Variants in SLC25A43 observed in about 807,000 individuals in gnomAD.
SLC25A43 encodes the protein solute carrier family 25 member 43, also known as solute carrier family 25, member 43.
In SLC25A43, 10 loss-of-function variants were observed where a neutral mutation model predicts 22.8. The observed-to-expected ratio is 0.44, with a 90% confidence interval of 0.27 to 0.74. The LOEUF (loss-of-function observed/expected upper bound fraction) is 0.74, where lower values mean the gene tolerates loss of function less well. Ranked by LOEUF, SLC25A43 falls within the 30% of genes least tolerant of loss-of-function variation. The pLI is 0.17. For missense variants in SLC25A43, 233 were observed against 279.1 expected (o/e 0.83, Z 1.18); for synonymous variants, 106 against 121.6 (o/e 0.87, Z 0.84).
Position 119,413,188 on chromosome X carries a change from C to G in SLC25A43, c.690+2826C>G, listed in dbSNP as rs191745936. ...ATGGTTCATTTTATGTATATTTGAC[C>G]ACAATGAAAAAAAAGTAATACACAT... On this transcript the variant is annotated intron_variant, in intron 3 of 4. Transcript: ENST00000217909. 5.5e-5 allele frequency among the ~76,000 whole-genome samples: 6 copies of G among 109,681 alleles called. No homozygotes were observed. In the East Asian group the frequency reaches 1.7e-3, roughly 31 times the overall value.
chrX:119,447,963 T>G (rs981843269), intron 3 of SLC25A43, among the ~76,000 whole-genome samples: 1 of 111,374 alleles, frequency 9.0e-6, no homozygotes, highest in Non-Finnish European at 1.9e-5. Context: ...TCCATTTGAA[T>G]GGCTAACAAG....
intron 3 of SLC25A43, among the ~76,000 whole-genome samples, chrX:119,415,735 C>A (rs747059153): frequency 1.9e-5 from 2 of 107,396 alleles, no homozygotes; most frequent in South Asian, 8.4e-4. Context: ...GGTGCCGTGA[C>A]TCCTGCCTGT....
At chrX:119,430,516 C>G (rs1253704181) in intron 3 of SLC25A43, among the ~76,000 whole-genome samples, 1 of 111,803 alleles carries the variant, frequency 8.9e-6, no homozygotes, top group Non-Finnish European at 1.9e-5. Flanking sequence ...GCTTTGTCTC[C>G]CAGGCACTCT....
intron 3 of SLC25A43, among the ~76,000 whole-genome samples, chrX:119,421,714 A>G (rs2052454480): frequency 8.9e-6 from 1 of 111,999 alleles, no homozygotes; most frequent in Non-Finnish European, 1.9e-5. Context: ...ATCTTGATGG[A>G]TCAAGGTAGA....
chrX:119,414,107 C>T (rs1339343710), intron 3 of SLC25A43, among the ~76,000 whole-genome samples: 1 of 112,141 alleles, frequency 8.9e-6, no homozygotes, highest in Non-Finnish European at 1.9e-5. Context: ...TATTAATTGT[C>T]ACTTTTTAAA....
chrX:119,450,419 C>A (rs1488691929), intron 3 of SLC25A43, among the ~76,000 whole-genome samples: 1 of 111,659 alleles, frequency 9.0e-6, no homozygotes, highest in Non-Finnish European at 1.9e-5. Context: ...TAAAACAGAT[C>A]AAAAAATCCC....
chrX:119,414,789 C>G (rs1034484318), intron 3 of SLC25A43, among the ~76,000 whole-genome samples: 2 of 109,596 alleles, frequency 1.8e-5, no homozygotes, highest in South Asian at 7.8e-4. Flanking sequence ...TCACTACTGC[C>G]CAGGCTGGAG....
intron 3 of SLC25A43, among the ~76,000 whole-genome samples, chrX:119,414,391 T>TTTTTG (rs1216219655): frequency 9.0e-6 from 1 of 111,479 alleles, no homozygotes; most frequent in African/African-American, 3.3e-5. Context: ...TGGTGGTGGG[T>TTTTTG]TTTTGTTTTG....
chrX:119,407,125 C>T (rs1233919525), intron 2 of SLC25A43, among the ~76,000 whole-genome samples: 3 of 112,406 alleles, frequency 2.7e-5, no homozygotes, highest in Non-Finnish European at 5.6e-5. Context: ...TTCCCTTTAT[C>T]TGAACTTGGT....
intron 3 of SLC25A43, among the ~76,000 whole-genome samples, chrX:119,430,109 G>A (rs1373368530): frequency 1.8e-5 from 2 of 112,013 alleles, no homozygotes; most frequent in African/African-American, 3.2e-5. Context: ...CTGGGTTTGT[G>A]TAGAAGGACT....
Position 119,399,412 on chromosome X carries a change from G to C in SLC25A43, c.9G>C (p.Thr3=). MA[T]WRRDGRLTGG... Reference sequence around the variant, plus strand: ...GCCCGGGTCGGGGCTCGATGGCTACGTGGAGGCGGGACGGCCGACTGACAG... The same window carrying C: ...GCCCGGGTCGGGGCTCGATGGCTACCTGGAGGCGGGACGGCCGACTGACAG... Residue 3 remains threonine, a synonymous_variant, in exon 1 of 5, where the codon ACG becomes ACC. Transcript: ENST00000217909. 9.8e-7 allele frequency: 1 copy of C among 1,018,370 alleles called. No homozygotes were observed. The highest frequency in any genetic ancestry group is 4.1e-5 in the East Asian group (1 of 24,312). The allele number at this position is 1,018,370 out of a possible 1,213,427, so 83.9% of individuals were successfully genotyped here.
intron 3 of SLC25A43, among the ~76,000 whole-genome samples, chrX:119,433,098 AAAAAAT>A (rs1342916379): frequency 8.9e-6 from 1 of 111,930 alleles, no homozygotes; most frequent in Non-Finnish European, 1.9e-5. Flanking sequence ...ACTCCGTCTC[AAAAAAT>A]AAAAATAAAA....
chrX:119,441,330 G>A (rs1175711614), intron 3 of SLC25A43, among the ~76,000 whole-genome samples: 20 of 82,888 alleles, frequency 2.4e-4, no homozygotes, highest in African/African-American at 7.7e-4. Context: ...GCTTCGGCTC[G>A]CGCACGGTGC....
At position 119,406,697 on chromosome X, in the gene SLC25A43, TGTAG is replaced by T; in HGVS notation, c.517_517+3del. 1 of 1,210,910 alleles carries T rather than the reference TGTAG, an allele frequency of 8.3e-7. No homozygotes were observed. On this transcript the variant is annotated frameshift_variant and splice_region_variant, in exon 2 of 5. Coordinates refer to ENST00000217909, the MANE Select transcript of SLC25A43 (RefSeq NM_145305.3). LOFTEE classifies it high-confidence loss of function. ...TTTATCGAGGGGTTTCCCTCACTGT[TGTAG>T]GTAAGATGGACCTTTTCACCTTGTC... is the stretch of plus-strand genomic sequence containing the variant.
chrX:119,429,906 A>G (rs2147280769), intron 3 of SLC25A43, among the ~76,000 whole-genome samples: 1 of 112,258 alleles, frequency 8.9e-6, no homozygotes, highest in East Asian at 2.8e-4. Context: ...AGCAGCATGG[A>G]TTACAGGATC....
At chrX:119,425,342 C>T (rs1014769752) in intron 3 of SLC25A43, among the ~76,000 whole-genome samples, 2 of 111,337 alleles carry the variant, frequency 1.8e-5, no homozygotes, top group African/African-American at 3.3e-5. Flanking sequence ...ACTATCCCTG[C>T]GAGGAGGTGC....
At chrX:119,409,156 TTTTA>T (rs3078516) in intron 2 of SLC25A43, among the ~76,000 whole-genome samples, 237 of 107,334 alleles carry the variant, frequency 2.2e-3, no homozygotes, top group East Asian at 3.8e-3. Flanking sequence ...TCCATTTTTA[TTTTA>T]TTTATTTATT....
At chrX:119,452,492 C>CAAAAAAA (rs376677564) in intron 4 of SLC25A43, among the ~76,000 whole-genome samples, 8 of 65,905 alleles carry the variant, frequency 1.2e-4, no homozygotes, top group East Asian at 5.4e-4. Flanking sequence ...AACTCCATGA[C>CAAAAAAA]AAAAAAAAAA....
intron 3 of SLC25A43, chrX:119,451,773 T>C: frequency 1.0e-6 from 1 of 980,167 alleles, no homozygotes; most frequent in Non-Finnish European, 1.3e-6. Flanking sequence ...AAATGTCTGC[T>C]TCCTTCCAGG....
Sources: gnomAD v4.1 joint callset for allele counts (sites outside exome capture counted in the v4.1 genomes callset) on GRCh38, gnomAD v4.1.1 for gene constraint, MANE v1.5 for transcripts, NCBI Gene and HGNC (gene_info 2026-07-23, HGNC 2026-07-21) for gene names.